The following ZNF184 variants were observed in gnomAD, a reference collection of about 807,000 sequenced individuals.
The protein encoded by ZNF184 is zinc finger protein 184 (Kruppel-like).
ZNF184 carries 16 observed loss-of-function variants against 54.4 expected under a neutral mutation model. That is an observed-to-expected ratio of 0.29 (90% confidence interval 0.20 to 0.45). The LOEUF (loss-of-function observed/expected upper bound fraction) is 0.45, where lower values mean the gene tolerates loss of function less well. Among genes scored for constraint, ZNF184 ranks in the 20% least tolerant of loss-of-function variants. The probability of loss-of-function intolerance (pLI) is 1.00; values close to 1 mark genes in which losing one functional copy is unlikely to be tolerated. For synonymous variants in ZNF184, 254 were observed against 295.3 expected (o/e 0.86, Z 1.43); for missense variants, 681 against 888.2 (o/e 0.77, Z 2.97).
the ZNF184 span, among the ~76,000 whole-genome samples, chr6:27,416,420 C>T: frequency 6.6e-6 from 1 of 152,182 alleles, no homozygotes; most frequent in Non-Finnish European, 1.5e-5. Context: ...GCATGGATAT[C>T]TGTTACCAGG....
rs1407264021 is a variant in ZNF184 at position 27,451,809 on chromosome 6, GT to G, written c.1749del (p.Glu583AspfsTer75). The G allele has an allele frequency of 6.2e-7, 1 of 1,613,526 alleles. No homozygotes were observed. Among genetic ancestry groups the G allele is most frequent in the Non-Finnish European group, 8.5e-7 (1 of 1,179,982 alleles). On this transcript the variant is annotated frameshift_variant, in exon 6 of 6. Coordinates refer to ENST00000683788, the MANE Select transcript of ZNF184 (RefSeq NM_001318891.2). LOFTEE classifies it high-confidence loss of function. ...LIQHRKIHTGERPYKCNECGR... is the reference protein window; with the variant it reads ...LIQHRKIHTGXRPYKCNECGR... ...CCACACTCATTACACTTGTAAGGTC[GT>G]TCTCCAGTATGGATCTTCCTATGCT... is the stretch of plus-strand genomic sequence containing the variant.
At chr6:27,461,682 C>T (rs1762998763) in intron 3 of ZNF184, among the ~76,000 whole-genome samples, 1 of 152,206 alleles carries the variant, frequency 6.6e-6, no homozygotes, top group South Asian at 2.1e-4. Context: ...ATGAGGTGAG[C>T]CCTACAATTG....
chr6:27,440,349 G>T, the ZNF184 span, among the ~76,000 whole-genome samples: 33 of 152,342 alleles, frequency 2.2e-4, no homozygotes, highest in Non-Finnish European at 3.4e-4. Flanking sequence ...GATGTACAGA[G>T]AAGTTAAAAA....
At chr6:27,434,445 A>G in the ZNF184 span, among the ~76,000 whole-genome samples, 1 of 152,070 alleles carries the variant, frequency 6.6e-6, no homozygotes, top group Non-Finnish European at 1.5e-5. Flanking sequence ...GCATTTTATT[A>G]TGTGTTTATA....
At chr6:27,441,811 A>G in the ZNF184 span, among the ~76,000 whole-genome samples, 1 of 152,236 alleles carries the variant, frequency 6.6e-6, no homozygotes, top group Non-Finnish European at 1.5e-5. Context: ...CTGATGTATA[A>G]AACAATGCTA....
At chr6:27,450,365 CT>C (rs1029722588), downstream of ZNF184, among the ~76,000 whole-genome samples, 7 of 151,940 alleles carry the variant, frequency 4.6e-5, no homozygotes, top group African/African-American at 9.7e-5. Flanking sequence ...GGAGGGGGGC[CT>C]TTGGGAGGTG....
the ZNF184 span, among the ~76,000 whole-genome samples, chr6:27,437,074 C>T: frequency 0.011 from 1,699 of 152,294 alleles, 38 homozygotes; most frequent in African/African-American, 0.039. Context: ...TATGTCAATA[C>T]TCATAGTCAA....
the ZNF184 span, among the ~76,000 whole-genome samples, chr6:27,423,602 T>C: frequency 4.6e-5 from 7 of 150,574 alleles, no homozygotes; most frequent in East Asian, 2.0e-4. Context: ...TACGCACAAA[T>C]ACACACCCTG....
the ZNF184 span, among the ~76,000 whole-genome samples, chr6:27,419,535 TAG>T: frequency 1.5e-5 from 1 of 68,382 alleles, no homozygotes; most frequent in Non-Finnish European, 3.5e-5. The surrounding 1 kb of genome is among the most constrained non-coding windows in gnomAD (Gnocchi z 4.8). Context: ...TTCAGATAGA[TAG>T]ATAGATAGAT....
At chr6:27,422,878 C>G in the ZNF184 span, among the ~76,000 whole-genome samples, 1 of 152,314 alleles carries the variant, frequency 6.6e-6, no homozygotes, top group East Asian at 1.9e-4. Context: ...CGGTTATACA[C>G]AGCTTTCTCC....
chr6:27,458,651 T>C (rs1246444083), intron 3 of ZNF184, among the ~76,000 whole-genome samples: 3 of 151,718 alleles, frequency 2.0e-5, no homozygotes, highest in Non-Finnish European at 4.4e-5. Context: ...GTACAACCAT[T>C]ATGGAAAACA....
chr6:27,465,212 CG>C (rs1324504495), intron 3 of ZNF184, among the ~76,000 whole-genome samples: 1 of 150,274 alleles, frequency 6.7e-6, no homozygotes, highest in Non-Finnish European at 1.5e-5. Context: ...CGGCAGGGCG[CG>C]GTGGCTCATG....
chr6:27,462,951 C>A (rs1763034251), intron 3 of ZNF184, among the ~76,000 whole-genome samples: 2 of 150,388 alleles, frequency 1.3e-5, no homozygotes, highest in African/African-American at 2.5e-5. Context: ...CTGAAACCAA[C>A]CCAGAAGAGA....
intron 3 of ZNF184, among the ~76,000 whole-genome samples, chr6:27,461,613 C>T (rs1762997434): frequency 6.6e-6 from 1 of 152,230 alleles, no homozygotes; most frequent in Admixed American, 6.5e-5. Flanking sequence ...AAACAAAAGT[C>T]TCCATCACAC....
chr6:27,466,514 A>G (rs1341342413), intron 3 of ZNF184, among the ~76,000 whole-genome samples: 2 of 152,218 alleles, frequency 1.3e-5, no homozygotes, highest in Non-Finnish European at 2.9e-5. Context: ...ACAAGTCTCC[A>G]TAAATTTGAA....
At chr6:27,417,159 A>G in the ZNF184 span, among the ~76,000 whole-genome samples, 1 of 152,196 alleles carries the variant, frequency 6.6e-6, no homozygotes, top group Non-Finnish European at 1.5e-5. Context: ...AGAAAAAAAC[A>G]CTTCCAAAAT....
At chr6:27,429,765 A>AG in the ZNF184 span, among the ~76,000 whole-genome samples, 1 of 152,124 alleles carries the variant, frequency 6.6e-6, no homozygotes, top group Non-Finnish European at 1.5e-5. Flanking sequence ...CTCTGTGGGC[A>AG]GGGGGGCAAA....
chr6:27,437,060 A>G, the ZNF184 span, among the ~76,000 whole-genome samples: 84 of 152,314 alleles, frequency 5.5e-4, no homozygotes, highest in African/African-American at 1.8e-3. Context: ...ATATTATACA[A>G]GTGTATGTCA....
the ZNF184 span, among the ~76,000 whole-genome samples, chr6:27,423,470 G>A: frequency 1.3e-5 from 2 of 151,956 alleles, no homozygotes; most frequent in African/African-American, 4.8e-5. Flanking sequence ...TGAGTTTGAA[G>A]AAAGATGAGC....
Sources: allele counts gnomAD v4.1 joint callset (sites outside exome capture counted in the v4.1 genomes callset), GRCh38; gene constraint gnomAD v4.1.1; non-coding constraint Gnocchi (gnomAD v3.1); transcripts MANE v1.5; gene names NCBI Gene and HGNC (gene_info 2026-07-23, HGNC 2026-07-21).